The following SLCO5A1 variants were observed in gnomAD, a reference collection of about 807,000 sequenced individuals.
SLCO5A1 encodes solute carrier organic anion transporter family member 5A1.
SLCO5A1 carries 39 observed loss-of-function variants against 65.1 expected under a neutral mutation model. The observed-to-expected ratio is 0.60, with a 90% CI of 0.46 to 0.78. The LOEUF (loss-of-function observed/expected upper bound fraction) is 0.78, where lower values mean the gene tolerates loss of function less well. SLCO5A1 is among the 30% of genes least tolerant of loss of function. The probability of loss-of-function intolerance (pLI) is 0.00; values close to 1 mark genes in which losing one functional copy is unlikely to be tolerated. For synonymous variants in SLCO5A1, 438 were observed against 415.7 expected (o/e 1.05, Z -0.65); for missense variants, 1,029 against 1,069.4 (o/e 0.96, Z 0.53).
intron 2 of SLCO5A1, among the ~76,000 whole-genome samples, chr8:69,781,772 C>A (rs963799444): frequency 6.6e-6 from 1 of 151,430 alleles, no homozygotes; most frequent in Non-Finnish European, 1.5e-5. Flanking sequence ...ATTCTCCTGC[C>A]TCAGCCTCCC....
At chr8:69,711,920 T>C (rs531124264) in intron 5 of SLCO5A1, among the ~76,000 whole-genome samples, 1 of 152,242 alleles carries the variant, frequency 6.6e-6, no homozygotes, top group South Asian at 2.1e-4. Context: ...GAGTTTAAAT[T>C]TGCACATATA....
chr8:69,822,924 A>G (rs925800036), intron 2 of SLCO5A1, among the ~76,000 whole-genome samples: 1 of 152,246 alleles, frequency 6.6e-6, no homozygotes, highest in Admixed American at 6.5e-5. Context: ...GCTGGCAATT[A>G]GTGGGACACA....
At chr8:69,831,531 A>T (rs1414615148) in intron 2 of SLCO5A1, among the ~76,000 whole-genome samples, 1 of 152,236 alleles carries the variant, frequency 6.6e-6, no homozygotes, top group Non-Finnish European at 1.5e-5. Flanking sequence ...AGTTTATGTT[A>T]CTTGGGAAAA....
At chr8:69,815,840 A>T (rs961273652) in intron 2 of SLCO5A1, among the ~76,000 whole-genome samples, 12 of 152,182 alleles carry the variant, frequency 7.9e-5, no homozygotes, top group African/African-American at 2.9e-4. Flanking sequence ...ACCCACTAAA[A>T]ATAATCCACT....
At chr8:69,674,761 C>G (rs1813477104) in intron 9 of SLCO5A1, among the ~76,000 whole-genome samples, 1 of 151,762 alleles carries the variant, frequency 6.6e-6, no homozygotes, top group South Asian at 2.1e-4. Flanking sequence ...TGGCTCACAT[C>G]TGTAATCCCA....
chr8:69,724,566 G>A (rs1416247344), intron 5 of SLCO5A1, among the ~76,000 whole-genome samples: 2 of 152,164 alleles, frequency 1.3e-5, no homozygotes, highest in Non-Finnish European at 2.9e-5. Flanking sequence ...TGCCTCACCA[G>A]GAAGCTGAGC....
chr8:69,704,874 G>A lies in SLCO5A1; in HGVS notation c.1622+157C>T, dbSNP rs543116014. 5.9e-6 allele frequency: 4 copies of A among 682,740 alleles called. No individual in the cohort carries two copies. In the Admixed American group the frequency reaches 1.0e-4, roughly 17 times the overall value. The allele number at this position is 682,740 out of a possible 1,614,324, so 42.3% of individuals were successfully genotyped here. A position where few individuals can be genotyped will look rare whatever the true frequency, so the allele number is the denominator to read the frequency against. On this transcript the variant is annotated intron_variant, in intron 6 of 9. Transcript: ENST00000260126. ...ACGAGACCCTGGCTTCTGCCCTGCA[G>A]GAGTGCATGCTCCACTTGGAGAGGC... is the stretch of plus-strand genomic sequence containing the variant.
intron 2 of SLCO5A1, among the ~76,000 whole-genome samples, chr8:69,813,923 T>G (rs1356119924): frequency 1.3e-5 from 2 of 152,234 alleles, no homozygotes; most frequent in Admixed American, 1.3e-4. Context: ...AGACCTGAAT[T>G]GTGGTTTTGT....
At chr8:69,741,405 A>G (rs1816782195) in intron 4 of SLCO5A1, among the ~76,000 whole-genome samples, 1 of 152,192 alleles carries the variant, frequency 6.6e-6, no homozygotes, top group South Asian at 2.1e-4. Context: ...TTGTAATAGG[A>G]ACCCAACCCT....
chr8:69,824,273 A>G (rs1321708118), intron 2 of SLCO5A1, among the ~76,000 whole-genome samples: 13 of 152,042 alleles, frequency 8.6e-5, no homozygotes, highest in Admixed American at 2.6e-4. Flanking sequence ...AAATAACTAA[A>G]ATCAGAGCAG....
At chr8:69,796,619 A>G (rs568668219) in intron 2 of SLCO5A1, among the ~76,000 whole-genome samples, 2 of 148,188 alleles carry the variant, frequency 1.3e-5, no homozygotes, top group South Asian at 4.3e-4. Context: ...TCTGTCTCAA[A>G]CATTTTATAT....
intron 2 of SLCO5A1, among the ~76,000 whole-genome samples, chr8:69,796,402 A>C (rs4275232): frequency 0.62 from 94,541 of 151,652 alleles, 29,685 homozygotes; most frequent in East Asian, 0.71. Flanking sequence ...TCACTTGAGA[A>C]CAGGAGTTCA....
rs1239449037 is a variant in SLCO5A1, at chr8:69,671,090, A to T, written c.*1779T>A. 6.6e-6 allele frequency: 1 copy of T among 152,306 alleles called. No homozygotes were observed. Among genetic ancestry groups the T allele is most frequent in the Non-Finnish European group, 1.5e-5 (1 of 68,140 alleles). The allele number at this position is 152,306 out of a possible 1,614,324, so 9.4% of individuals were successfully genotyped here. On this transcript the variant is annotated 3_prime_UTR_variant, in exon 10 of 10. Coordinates refer to ENST00000260126, the MANE Select transcript of SLCO5A1 (RefSeq NM_030958.3). Reference sequence around the variant, plus strand: ...CACCTCCCCGAGAGCCAAGCCCAGGAACCAGAGGGAAGTCCTTAGCCCCTG... The same window carrying T: ...CACCTCCCCGAGAGCCAAGCCCAGGTACCAGAGGGAAGTCCTTAGCCCCTG...
intron 6 of SLCO5A1, among the ~76,000 whole-genome samples, chr8:69,694,766 T>A (rs546992416): frequency 1.8e-4 from 27 of 152,242 alleles, no homozygotes; most frequent in Non-Finnish European, 3.4e-4. Context: ...AACTGAGTTA[T>A]TCCTTTGCTA....
intron 2 of SLCO5A1, among the ~76,000 whole-genome samples, chr8:69,825,313 C>T (rs939009922): frequency 6.6e-6 from 1 of 152,072 alleles, no homozygotes; most frequent in African/African-American, 2.4e-5. Context: ...AAAGGGTATT[C>T]AATTAGGAAA....
intron 5 of SLCO5A1, among the ~76,000 whole-genome samples, chr8:69,726,445 C>A (rs1301240927): frequency 6.6e-6 from 1 of 151,392 alleles, no homozygotes; most frequent in Non-Finnish European, 1.5e-5. Flanking sequence ...TATTCCTCAG[C>A]CTTTCACTTC....
At chr8:69,694,732 G>A (rs1814425641) in intron 6 of SLCO5A1, among the ~76,000 whole-genome samples, 1 of 152,212 alleles carries the variant, frequency 6.6e-6, no homozygotes, top group African/African-American at 2.4e-5. Flanking sequence ...TAGGACTTGA[G>A]AAACCAGAAA....
rs1813257165 is a variant in SLCO5A1 at position 69,668,898 on chromosome 8, A to G, written c.*3971T>C. Reference sequence around the variant, plus strand: ...AATCGGGATCAGTGGTTTGATATGTATTTTATGTGTGTTCACTTAAAACCC... The same window carrying G: ...AATCGGGATCAGTGGTTTGATATGTGTTTTATGTGTGTTCACTTAAAACCC... On this transcript the variant is annotated 3_prime_UTR_variant, in exon 10 of 10. Transcript: ENST00000260126. The G allele has an allele frequency of 6.6e-6, 1 of 152,170 alleles. No homozygotes were observed. The highest frequency in any genetic ancestry group is 2.4e-5 in the African/African-American group (1 of 41,442). The allele number at this position is 152,170 out of a possible 1,614,324, so 9.4% of individuals were successfully genotyped here.
At chr8:69,821,096 A>C (rs960747570) in intron 2 of SLCO5A1, among the ~76,000 whole-genome samples, 1 of 152,182 alleles carries the variant, frequency 6.6e-6, no homozygotes, top group South Asian at 2.1e-4. Context: ...TATAATAGAC[A>C]TATATACACA....
Sources: gnomAD v4.1 joint callset for allele counts (sites outside exome capture counted in the v4.1 genomes callset) on GRCh38, gnomAD v4.1.1 for gene constraint, MANE v1.5 for transcripts, NCBI Gene and HGNC (gene_info 2026-07-23, HGNC 2026-07-21) for gene names.